TMEM163: variants seen among roughly 807,000 people sequenced by gnomAD.
TMEM163 encodes the protein transmembrane protein 163.
In TMEM163, 17 loss-of-function variants were observed where a neutral mutation model predicts 29.3. The observed-to-expected ratio is 0.58, with a 90% CI of 0.40 to 0.87. The LOEUF (loss-of-function observed/expected upper bound fraction) is 0.87. TMEM163 is among the 40% of genes least tolerant of loss of function. The pLI is 0.00. For synonymous variants in TMEM163, 157 were observed against 160.6 expected (o/e 0.98, Z 0.17); for missense variants, 303 against 381.5 (o/e 0.79, Z 1.71).
chr2:134,662,903 C>T lies in TMEM163; in HGVS notation c.322+50297G>A, dbSNP rs750858446. On this transcript the variant is annotated intron_variant, in intron 2 of 7. Coordinates refer to ENST00000281924, the MANE Select transcript of TMEM163 (RefSeq NM_030923.5). ...TGTTTCTCTGGGAACCAAGCACACTCCAGTGGGCACCTTGTGTGATGGTAT... is the reference window on the plus strand; with the variant it reads ...TGTTTCTCTGGGAACCAAGCACACTTCAGTGGGCACCTTGTGTGATGGTAT... Among the ~76,000 whole-genome samples, 80 of 152,338 alleles carry T rather than the reference C, an allele frequency of 5.3e-4. 2 individuals are homozygous for T. Among genetic ancestry groups the T allele is most frequent in the Middle Eastern group, 3.4e-3 (1 of 294 alleles).
intron 2 of TMEM163, among the ~76,000 whole-genome samples, chr2:134,680,138 T>C (rs1222457621): frequency 6.6e-6 from 1 of 152,194 alleles, no homozygotes; most frequent in Non-Finnish European, 1.5e-5. Context: ...GCCTGTTAAC[T>C]ACGTAAATGG....
At chr2:134,462,066 C>T (rs927021281) in intron 6 of TMEM163, among the ~76,000 whole-genome samples, 5 of 152,160 alleles carry the variant, frequency 3.3e-5, no homozygotes, top group East Asian at 1.9e-4. Flanking sequence ...CATGTTTTGC[C>T]GGCAACACAC....
At chr2:134,691,369 G>A (rs1352846579) in intron 2 of TMEM163, among the ~76,000 whole-genome samples, 6 of 152,250 alleles carry the variant, frequency 3.9e-5, no homozygotes, top group Non-Finnish European at 5.9e-5. Flanking sequence ...ACATCAAGAA[G>A]CCCTTGTGGC....
chr2:134,667,993 T>G (rs904286216), intron 2 of TMEM163, among the ~76,000 whole-genome samples: 3 of 152,138 alleles, frequency 2.0e-5, no homozygotes, highest in Non-Finnish European at 4.4e-5. Context: ...GGAGATCGGA[T>G]CTGCTGATCC....
intron 5 of TMEM163, among the ~76,000 whole-genome samples, chr2:134,491,759 T>C (rs1247446268): frequency 6.6e-6 from 1 of 152,154 alleles, no homozygotes; most frequent in African/African-American, 2.4e-5. Context: ...TTTTTTGCTT[T>C]TTACACAAAG....
intron 2 of TMEM163, among the ~76,000 whole-genome samples, chr2:134,594,779 G>A (rs1465324903): frequency 6.6e-6 from 1 of 151,912 alleles, no homozygotes; most frequent in Non-Finnish European, 1.5e-5. Flanking sequence ...CCAATTCTCT[G>A]AATCCCACAG....
chr2:134,569,249 C>G (rs1454014931), intron 2 of TMEM163, among the ~76,000 whole-genome samples: 1 of 152,156 alleles, frequency 6.6e-6, no homozygotes, highest in Non-Finnish European at 1.5e-5. Context: ...TAACTCATAA[C>G]CAGGTATCAG....
At chr2:134,601,289 TAA>T (rs1219211505) in intron 2 of TMEM163, among the ~76,000 whole-genome samples, 5 of 152,278 alleles carry the variant, frequency 3.3e-5, no homozygotes, top group African/African-American at 1.2e-4. Context: ...AGCTAAAGGA[TAA>T]GTCAGCCACG....
At position 134,694,318 on chromosome 2, in the gene TMEM163, A is replaced by C. The variant is rs529479161; in HGVS notation, c.322+18882T>G. 3.3e-5 allele frequency among the ~76,000 whole-genome samples: 5 copies of C among 152,370 alleles called. No individual in the cohort carries two copies. In the South Asian group the frequency reaches 8.3e-4, roughly 25 times the overall value. On this transcript the variant is annotated intron_variant, in intron 2 of 7. Transcript: ENST00000281924. ...AAGTTATTAGAATCCCAGTACTAGA[A>C]GTATTCAAACAAAAGCTGAAGAACT...
intron 2 of TMEM163, among the ~76,000 whole-genome samples, chr2:134,676,687 C>G (rs1684122503): frequency 6.6e-6 from 1 of 152,200 alleles, no homozygotes; most frequent in South Asian, 2.1e-4. Context: ...TCAACAGCCC[C>G]AGTCCTAGGC....
intron 2 of TMEM163, among the ~76,000 whole-genome samples, chr2:134,627,284 C>A (rs1263210791): frequency 6.6e-6 from 1 of 152,182 alleles, no homozygotes; most frequent in East Asian, 1.9e-4. Context: ...TATATATGTA[C>A]TTTAGAAAAA....
chr2:134,484,500 A>C (rs1679269648), intron 5 of TMEM163, among the ~76,000 whole-genome samples: 1 of 151,982 alleles, frequency 6.6e-6, no homozygotes, highest in Admixed American at 6.6e-5. Context: ...GCAAGACCCC[A>C]TCTCTAGGAA....
intron 4 of TMEM163, among the ~76,000 whole-genome samples, chr2:134,542,610 T>C (rs886486110): frequency 2.0e-5 from 3 of 152,098 alleles, no homozygotes; most frequent in African/African-American, 4.8e-5. Context: ...AAGTGTACAA[T>C]AAATGTAATG....
chr2:134,507,079 G>A (rs1679840632), intron 4 of TMEM163, among the ~76,000 whole-genome samples: 1 of 152,150 alleles, frequency 6.6e-6, no homozygotes, highest in African/African-American at 2.4e-5. Flanking sequence ...ACTCACGCCT[G>A]TAATCCCAGG....
chr2:134,487,062 C>T (rs558464474), intron 5 of TMEM163, among the ~76,000 whole-genome samples: 40 of 152,252 alleles, frequency 2.6e-4, no homozygotes, highest in African/African-American at 9.6e-4. Flanking sequence ...AATTGAGAAG[C>T]CCTTCTGTTA....
At chr2:134,567,356 G>A (rs1681319321) in intron 2 of TMEM163, among the ~76,000 whole-genome samples, 1 of 152,030 alleles carries the variant, frequency 6.6e-6, no homozygotes, top group Admixed American at 6.5e-5. Flanking sequence ...CACTTATACA[G>A]TTACAAAGCA....
chr2:134,536,287 G>A (rs184839193), intron 4 of TMEM163, among the ~76,000 whole-genome samples: 9 of 152,230 alleles, frequency 5.9e-5, no homozygotes, highest in African/African-American at 1.7e-4. Context: ...CAGGGAAAAC[G>A]AAAGGAGACT....
chr2:134,565,076 A>G (rs572333780), intron 2 of TMEM163, among the ~76,000 whole-genome samples: 88 of 148,642 alleles, frequency 5.9e-4, no homozygotes, highest in African/African-American at 1.8e-3. Flanking sequence ...GATCTCTACT[A>G]AAAGTACAAA....
Position 134,502,629 on chromosome 2 carries a change from C to T in TMEM163, c.555+272G>A, listed in dbSNP as rs13385720. ...AAAAATAACCCAATTTCTCTTTACA[C>T]ACACAAAAAGTCTTGCTTTAAAAAT... On this transcript the variant is annotated intron_variant, in intron 5 of 7. Transcript: ENST00000281924. Among the ~76,000 whole-genome samples the T allele has an allele frequency of 0.22, 33,744 of 152,118 alleles. 5,438 individuals carry two copies. The highest frequency in any genetic ancestry group is 0.49 in the East Asian group (2,548 of 5,166).
Sources: gnomAD v4.1 joint callset for allele counts (sites outside exome capture counted in the v4.1 genomes callset) on GRCh38, gnomAD v4.1.1 for gene constraint, MANE v1.5 for transcripts, NCBI Gene and HGNC (gene_info 2026-07-23, HGNC 2026-07-21) for gene names.